The following GPR157 variants were observed in gnomAD, a reference collection of about 807,000 sequenced individuals.
GPR157 encodes the protein G protein-coupled receptor 157.
GPR157 carries 16 observed loss-of-function variants against 23.5 expected under a neutral mutation model. That is an observed-to-expected ratio of 0.68 (90% confidence interval 0.46 to 1.04). GPR157 has a LOEUF of 1.04. Ranked by LOEUF, GPR157 falls within the 50% of genes least tolerant of loss-of-function variation. GPR157 has a pLI of 0.00. For synonymous variants in GPR157, 200 were observed against 221.5 expected (o/e 0.90, Z 0.86); for missense variants, 440 against 460.7 (o/e 0.96, Z 0.41).
chr1:9,121,061 G>C (rs1309570822), intron 1 of GPR157, among the ~76,000 whole-genome samples: 1 of 152,192 alleles, frequency 6.6e-6, no homozygotes, highest in Non-Finnish European at 1.5e-5. Context: ...GGCCAGGTGC[G>C]GTGGCTCACG....
chr1:9,128,668 C>T lies in GPR157; in HGVS notation c.360G>A (p.Leu120=), dbSNP rs1437673173. ...RAARGPRTDR[L]LWAFHVVSWG... ...ACCTGACGACATGGAAGGCCCAAAGCAGGCGATCTGTGCGAGGCCCGCGCG... is the reference window on the plus strand; with the variant it reads ...ACCTGACGACATGGAAGGCCCAAAGTAGGCGATCTGTGCGAGGCCCGCGCG... Residue 120 remains leucine, a synonymous_variant, in exon 1 of 4, where the codon CTG becomes CTA. Coordinates refer to ENST00000377411, the MANE Select transcript of GPR157 (RefSeq NM_024980.5). This position sits in a 1 kb window ranked among gnomAD's most constrained non-coding sequence, Gnocchi z 6.3. 1.2e-6 allele frequency: 2 copies of T among 1,612,992 alleles called. No homozygotes were observed. The highest frequency in any genetic ancestry group is 1.7e-6 in the Non-Finnish European group (2 of 1,179,922).
Position 9,125,967 on chromosome 1 carries a change from C to CT in GPR157, c.383+2677dup, listed in dbSNP as rs36090703. ...CGCATTTATCATGTTTGTATTCTGC[C>CT]TTTTTTTTTTTTTTTGATATGGAGA... is the stretch of plus-strand genomic sequence containing the variant. On this transcript the variant is annotated intron_variant, in intron 1 of 3. Coordinates refer to ENST00000377411, the MANE Select transcript of GPR157 (RefSeq NM_024980.5). Among the ~76,000 whole-genome samples, 234 of 139,000 alleles carry CT rather than the reference C, an allele frequency of 1.7e-3. 1 individual carries two copies. Among genetic ancestry groups the CT allele is most frequent in the South Asian group, 0.011 (49 of 4,382 alleles). The allele number at this position is 139,000 out of a possible 152,430, so 91.2% of individuals were successfully genotyped here. A position where few individuals can be genotyped will look rare whatever the true frequency, so the allele number is the denominator to read the frequency against.
intron 1 of GPR157, among the ~76,000 whole-genome samples, chr1:9,114,666 C>T (rs1638595514): frequency 6.6e-6 from 1 of 152,134 alleles, no homozygotes; most frequent in Non-Finnish European, 1.5e-5. Flanking sequence ...ACTAAAGCTA[C>T]AAGGCGGTAG....
intron 1 of GPR157, among the ~76,000 whole-genome samples, chr1:9,125,145 G>A (rs542992164): frequency 6.6e-6 from 1 of 152,278 alleles, no homozygotes; most frequent in African/African-American, 2.4e-5. Context: ...TACTAGCTAT[G>A]TAGCCCTGGG....
chr1:9,111,150 G>T, intron 2 of GPR157, 126 bp downstream of exon 2: 1 of 800,730 alleles, frequency 1.2e-6, no homozygotes, highest in Non-Finnish European at 2.1e-6. Context: ...GGTCCCCTCT[G>T]GCCCATCACT....
At chr1:9,126,787 C>T (rs893275170) in intron 1 of GPR157, among the ~76,000 whole-genome samples, 24 of 152,164 alleles carry the variant, frequency 1.6e-4, no homozygotes, top group Non-Finnish European at 4.4e-5. Flanking sequence ...TGTCAAACTC[C>T]CTCTCTAGCT....
chr1:9,111,882 A>G (rs1053364325), intron 1 of GPR157, among the ~76,000 whole-genome samples: 2 of 152,194 alleles, frequency 1.3e-5, no homozygotes, highest in Non-Finnish European at 2.9e-5. Context: ...AGGCAGGAGA[A>G]TCATTTGAAC....
At chr1:9,121,363 T>C (rs1216240529) in intron 1 of GPR157, among the ~76,000 whole-genome samples, 5 of 143,788 alleles carry the variant, frequency 3.5e-5, no homozygotes, top group African/African-American at 1.3e-4. Context: ...ACAGGCCAGG[T>C]GTGGTGGCTC....
chr1:9,108,189 G>A (rs1638389982), intron 2 of GPR157, among the ~76,000 whole-genome samples: 1 of 152,174 alleles, frequency 6.6e-6, no homozygotes, highest in African/African-American at 2.4e-5. Context: ...CTGGTGTCTT[G>A]TGGAGTCACT....
Position 9,128,534 on chromosome 1 carries a change from C to T in GPR157, c.383+111G>A, listed in dbSNP as rs1175066810. The T allele has an allele frequency of 9.5e-7, 1 of 1,048,264 alleles. No homozygotes were observed. The highest frequency in any genetic ancestry group is 2.6e-5 in the East Asian group (1 of 38,810). The allele number at this position is 1,048,264 out of a possible 1,614,324, so 64.9% of individuals were successfully genotyped here. A position where few individuals can be genotyped will look rare whatever the true frequency, so the allele number is the denominator to read the frequency against. ...GCCTCGGGGGCGCCAGCAGGCACTGCTTGCTGTGGGTAGGGGGTGTCCAAC... is the reference window on the plus strand; with the variant it reads ...GCCTCGGGGGCGCCAGCAGGCACTGTTTGCTGTGGGTAGGGGGTGTCCAAC... On this transcript the variant is annotated intron_variant, in intron 1 of 3. Coordinates refer to ENST00000377411, the MANE Select transcript of GPR157 (RefSeq NM_024980.5). The surrounding 1 kb of genome is among the most constrained non-coding windows in gnomAD (Gnocchi z 6.3).
rs1639002779 is a variant in GPR157, at chr1:9,128,077, C to T, written c.383+568G>A. Among the ~76,000 whole-genome samples the T allele has an allele frequency of 6.6e-6, 1 of 152,138 alleles. No individual in the cohort carries two copies. Among genetic ancestry groups the T allele is most frequent in the Non-Finnish European group, 1.5e-5 (1 of 68,016 alleles). ...TCTGGAAAGTCAAGATCATCTAGAA[C>T]AGAAATACAAGGGGCTGGGGCCTGA... On this transcript the variant is annotated intron_variant, in intron 1 of 3. Transcript: ENST00000377411. The surrounding 1 kb of genome is among the most constrained non-coding windows in gnomAD (Gnocchi z 6.3).
At position 9,128,544 on chromosome 1, in the gene GPR157, G is replaced by C. The variant is rs1472682789; in HGVS notation, c.383+101C>G. ...CGCCAGCAGGCACTGCTTGCTGTGG[G>C]TAGGGGGTGTCCAACCTAGACGCGG... is the stretch of plus-strand genomic sequence containing the variant. On this transcript the variant is annotated intron_variant, in intron 1 of 3. Transcript: ENST00000377411. This position sits in a 1 kb window ranked among gnomAD's most constrained non-coding sequence, Gnocchi z 6.3. 1.3e-5 allele frequency: 15 copies of C among 1,128,652 alleles called. No individual in the cohort carries two copies. The highest frequency in any genetic ancestry group is 1.9e-5 in the Non-Finnish European group (15 of 769,234). The allele number at this position is 1,128,652 out of a possible 1,614,324, so 69.9% of individuals were successfully genotyped here. A position where few individuals can be genotyped will look rare whatever the true frequency, so the allele number is the denominator to read the frequency against.
At chr1:9,116,358 A>ATTATATATATATAATATATAT (rs1436425911) in intron 1 of GPR157, among the ~76,000 whole-genome samples, 726 of 12,134 alleles carry the variant, frequency 0.06, 180 homozygotes, top group Admixed American at 0.11. Context: ...AATTATATAT[A>ATTATATATATATAATATATAT]AATTATATAT....
intron 1 of GPR157, among the ~76,000 whole-genome samples, chr1:9,123,219 A>T (rs1400104722): frequency 1.6e-5 from 2 of 126,658 alleles, no homozygotes; most frequent in East Asian, 2.1e-4. Context: ...TATATTTATT[A>T]AAATATATAT....
At chr1:9,127,720 G>A (rs975269445) in intron 1 of GPR157, among the ~76,000 whole-genome samples, 3 of 152,212 alleles carry the variant, frequency 2.0e-5, no homozygotes, top group African/African-American at 7.2e-5. Flanking sequence ...AGTGCTGACT[G>A]TGCTCGCAGT....
At chr1:9,127,139 A>G (rs1172086633) in intron 1 of GPR157, among the ~76,000 whole-genome samples, 1 of 152,038 alleles carries the variant, frequency 6.6e-6, no homozygotes, top group East Asian at 1.9e-4. Flanking sequence ...TCGGCCTCCC[A>G]AAGTGCTGGG....
Position 9,105,415 on chromosome 1 carries a change from G to C in GPR157, c.792+71C>G. 1 of 1,388,076 alleles carries C rather than the reference G, an allele frequency of 7.2e-7. No individual in the cohort carries two copies. Among genetic ancestry groups the C allele is most frequent in the African/African-American group, 1.4e-5 (1 of 69,594 alleles). The allele number at this position is 1,388,076 out of a possible 1,614,324, so 86.0% of individuals were successfully genotyped here. A position where few individuals can be genotyped will look rare whatever the true frequency, so the allele number is the denominator to read the frequency against. On this transcript the variant is annotated intron_variant, in intron 3 of 3. Coordinates refer to ENST00000377411, the MANE Select transcript of GPR157 (RefSeq NM_024980.5). This position sits in a 1 kb window ranked among gnomAD's most constrained non-coding sequence, Gnocchi z 4.8. ...GCCGACACTGGGGTGCAGCCACTGT[G>C]CTGCGGGAAGGAATCAGGCTGTGCC...
chr1:9,124,392 C>T (rs538588968), intron 1 of GPR157, among the ~76,000 whole-genome samples: 44 of 152,266 alleles, frequency 2.9e-4, no homozygotes, highest in African/African-American at 8.2e-4. Flanking sequence ...GCCAACAGCG[C>T]GTGATGTGCT....
chr1:9,113,068 G>A (rs957747457), intron 1 of GPR157, among the ~76,000 whole-genome samples: 41 of 152,174 alleles, frequency 2.7e-4, no homozygotes, highest in Admixed American at 2.2e-3. Context: ...TTGTCGGGTC[G>A]TTATGAGAAC....
Sources: gnomAD v4.1 joint callset for allele counts (sites outside exome capture counted in the v4.1 genomes callset) on GRCh38, gnomAD v4.1.1 for gene constraint, Gnocchi (gnomAD v3.1) non-coding constraint, MANE v1.5 for transcripts, NCBI Gene and HGNC (gene_info 2026-07-23, HGNC 2026-07-21) for gene names.